Variants in SZT2 observed in about 807,000 individuals in gnomAD.
The protein encoded by SZT2 is KICSTOR complex protein SZT2.
In SZT2, 216 loss-of-function variants were observed where a neutral mutation model predicts 404.2. The observed-to-expected ratio is 0.53, with a 90% CI of 0.48 to 0.60. SZT2 has a LOEUF of 0.60. SZT2 is among the 20% of genes least tolerant of loss of function. The probability of loss-of-function intolerance (pLI) is 0.00; values close to 1 mark genes in which losing one functional copy is unlikely to be tolerated. For missense variants in SZT2, 3,857 were observed against 4,459.2 expected, an observed-to-expected ratio of 0.86 and a Z score of 3.85; for synonymous variants, 1,693 against 1,749.9, an observed-to-expected ratio of 0.97 and a Z score of 0.81.
rs748239560 is a variant in SZT2, at chr1:43,415,138, G to C, written c.555G>C (p.Gln185His). ...CCCAGCGGGAGGTGTTCCTGCAGCA[G>C]ATATATGAGCAGCTCTGCCTCTTTG... ...DPSQREVFLQ[Q>H]IYEQLCLFED... The change falls in exon 5 of 72, where the codon CAG (glutamine) becomes CAC (histidine). Residue 185 changes from glutamine to histidine, a missense_variant. Around this residue, in one of 7 missense-constraint regions of SZT2, gnomAD observed 536 missense variants for 637.4 expected, o/e 0.84. Transcript: ENST00000634258. 6.3e-7 allele frequency: 1 copy of C among 1,598,144 alleles called. No homozygotes were observed.
chr1:43,405,152 C>T (rs897616390), intron 4 of SZT2: 4 of 152,462 alleles, frequency 2.6e-5, no homozygotes, highest in African/African-American at 9.7e-5. Flanking sequence ...GATAGGCACT[C>T]ACCACCAGGC....
chr1:43,411,081 T>C (rs1439315010), intron 4 of SZT2, among the ~76,000 whole-genome samples: 1 of 152,196 alleles, frequency 6.6e-6, no homozygotes, highest in Non-Finnish European at 1.5e-5. Flanking sequence ...CAAAGGCACA[T>C]GTGGAAATCC....
chr1:43,448,070 C>G lies in SZT2; in HGVS notation c.9564-9C>G, dbSNP rs1237374283. 6.3e-7 allele frequency: 1 copy of G among 1,599,296 alleles called. No individual in the cohort carries two copies. The highest frequency in any genetic ancestry group is 8.5e-7 in the Non-Finnish European group (1 of 1,169,950). ...AACCACCACTCTCCTGCCCTGCTCC[C>G]CACCCCAGGCTACAGTTCTTCGTGG... On this transcript the variant is annotated splice_polypyrimidine_tract_variant and intron_variant, in intron 68 of 71. Transcript: ENST00000634258. This position sits in a 1 kb window ranked among gnomAD's most constrained non-coding sequence, Gnocchi z 4.2.
At chr1:43,392,886 C>G (rs1451060765) in intron 1 of SZT2, among the ~76,000 whole-genome samples, 1 of 152,198 alleles carries the variant, frequency 6.6e-6, no homozygotes, top group Non-Finnish European at 1.5e-5. Flanking sequence ...ATTCATTCAT[C>G]ACACACTTGA....
At chr1:43,433,878 C>A (rs1387758613) in intron 40 of SZT2, among the ~76,000 whole-genome samples, 1 of 152,252 alleles carries the variant, frequency 6.6e-6, no homozygotes, top group Non-Finnish European at 1.5e-5. Context: ...ATCTACATAA[C>A]CCTACGGCGT....
chr1:43,432,015 G>A, intron 36 of SZT2, 114 bp downstream of exon 36: 2 of 1,327,864 alleles, frequency 1.5e-6, no homozygotes, highest in South Asian at 1.3e-5. Flanking sequence ...TATCCCTCCT[G>A]TCTCCCTGCT....
chr1:43,452,296 A>G lies in SZT2; in HGVS notation c.*1816A>G, dbSNP rs1261775539. ...TGCTATTCGATCAGCTCCCTGGGGTACTCGGCCAGCCATCAGGTGGATCCT... is the reference window on the plus strand; with the variant it reads ...TGCTATTCGATCAGCTCCCTGGGGTGCTCGGCCAGCCATCAGGTGGATCCT... On this transcript the variant is annotated 3_prime_UTR_variant, in exon 72 of 72. Transcript: ENST00000634258. 1.9e-6 allele frequency: 3 copies of G among 1,613,968 alleles called. No individual in the cohort carries two copies. The South Asian group carries it at 3.3e-5, about 18-fold the overall frequency.
At position 43,453,817 on chromosome 1, in the gene SZT2, G is replaced by T; in HGVS notation, c.*3337G>T. The T allele has an allele frequency of 8.0e-7, 1 of 1,243,356 alleles. No homozygotes were observed. Among genetic ancestry groups the T allele is most frequent in the African/African-American group, 1.6e-5 (1 of 63,682 alleles). 77.0% of individuals were successfully genotyped at this position (1,243,356 alleles called of 1,614,324 possible). A position where few individuals can be genotyped will look rare whatever the true frequency, so the allele number is the denominator to read the frequency against. On this transcript the variant is annotated 3_prime_UTR_variant, in exon 72 of 72. Transcript: ENST00000634258. Reference sequence around the variant, plus strand: ...ATGCCTGGGGAGGCCGGGCCGGGCGGAGTCCGCGGGATCCAAAGGCGGCGG... The same window carrying T: ...ATGCCTGGGGAGGCCGGGCCGGGCGTAGTCCGCGGGATCCAAAGGCGGCGG...
In SZT2 at chr1:43,430,033, G is replaced by A. The variant is rs757113547; in HGVS notation, c.4331G>A (p.Arg1444His). 17 of 1,614,012 alleles carry A rather than the reference G, an allele frequency of 1.1e-5. No homozygotes were observed. The highest frequency in any genetic ancestry group is 5.5e-5 in the South Asian group (5 of 91,078). Residue 1444 changes from arginine (R) to histidine (H), a missense_variant, in exon 30 of 72, where the codon CGT (arginine) becomes CAT (histidine). Physicochemically the swap from Arg to His is conservative, Grantham distance 29 (BLOSUM62 0). Coordinates refer to ENST00000634258, the MANE Select transcript of SZT2 (RefSeq NM_001365999.1). The part of the protein sequence containing the change: ...VIQEKFLEIS[R>H]LHFRTVPSNP... ...CAGGAGAAGTTCCTAGAGATCAGTCGTCTCCACTTCCGCACAGTGCCTTCC... is the reference window on the plus strand; with the variant it reads ...CAGGAGAAGTTCCTAGAGATCAGTCATCTCCACTTCCGCACAGTGCCTTCC...
rs1427215254 is a variant in SZT2, at chr1:43,430,402, G to A, written c.4480+13G>A. ...ATGGGAGAAGAAGGTATGTGGGCAAGTGAGTCAAGGTGGGGAAGGCTGGCT... is the reference window on the plus strand; with the variant it reads ...ATGGGAGAAGAAGGTATGTGGGCAAATGAGTCAAGGTGGGGAAGGCTGGCT... On this transcript the variant is annotated intron_variant, in intron 31 of 71. Transcript: ENST00000634258. 1 of 1,605,600 alleles carries A rather than the reference G, an allele frequency of 6.2e-7. No homozygotes were observed. The highest frequency in any genetic ancestry group is 8.5e-7 in the Non-Finnish European group (1 of 1,175,332).
chr1:43,448,837 G>T lies in SZT2; in HGVS notation c.10086+109G>T, dbSNP rs1008393149. On this transcript the variant is annotated intron_variant, in intron 70 of 71. Coordinates refer to ENST00000634258, the MANE Select transcript of SZT2 (RefSeq NM_001365999.1). This position sits in a 1 kb window ranked among gnomAD's most constrained non-coding sequence, Gnocchi z 4.2. ...AAGCTCTGCTCTGGAGGGAGGCCTA[G>T]ACAGAACGGGACTACACAGATACAT... The T allele has an allele frequency of 1.0e-5, 10 of 955,338 alleles. No individual in the cohort carries two copies. In the East Asian group the frequency reaches 1.2e-4, roughly 11 times the overall value. 59.2% of individuals were successfully genotyped at this position (955,338 alleles called of 1,614,324 possible).
chr1:43,391,411 A>G (rs1201700102), intron 1 of SZT2, among the ~76,000 whole-genome samples: 7 of 152,314 alleles, frequency 4.6e-5, no homozygotes, highest in Non-Finnish European at 1.0e-4. Flanking sequence ...GTTCTTAACC[A>G]TATTGTTCAT....
At chr1:43,433,476 G>A (rs12080203) in intron 40 of SZT2, among the ~76,000 whole-genome samples, 3 of 152,176 alleles carry the variant, frequency 2.0e-5, no homozygotes, top group Admixed American at 6.5e-5. Flanking sequence ...TTAGAAGTTC[G>A]TGTATAAAAA....
Position 43,442,392 on chromosome 1 carries a change from G to A in SZT2, c.7974+24G>A. ...AGGTAAATATGGGGCCAGGGACTGG[G>A]TGGGAAGAGGGGTTCCGTGATCTCA... is the stretch of plus-strand genomic sequence containing the variant. On this transcript the variant is annotated intron_variant, in intron 57 of 71. Transcript: ENST00000634258. This position sits in a 1 kb window ranked among gnomAD's most constrained non-coding sequence, Gnocchi z 4.5. The A allele has an allele frequency of 6.2e-7, 1 of 1,613,222 alleles. No homozygotes were observed. Among genetic ancestry groups the A allele is most frequent in the Non-Finnish European group, 8.5e-7 (1 of 1,179,496 alleles).
chr1:43,445,700 C>T, intron 62 of SZT2, 194 bp from the exon 63 acceptor site: 1 of 632,740 alleles, frequency 1.6e-6, no homozygotes, highest in Non-Finnish European at 2.8e-6. Flanking sequence ...GAAGCAGCAG[C>T]TGCTATGGAG....
Position 43,453,790 on chromosome 1 carries a change from C to T in SZT2, c.*3310C>T. The T allele has an allele frequency of 7.8e-7, 1 of 1,280,472 alleles. No individual in the cohort carries two copies. The highest frequency in any genetic ancestry group is 3.1e-5 in the East Asian group (1 of 32,122). The allele number at this position is 1,280,472 out of a possible 1,614,324, so 79.3% of individuals were successfully genotyped here. On this transcript the variant is annotated 3_prime_UTR_variant, in exon 72 of 72. Coordinates refer to ENST00000634258, the MANE Select transcript of SZT2 (RefSeq NM_001365999.1). ...AGATTGGCGGAGAAGCGCAGCGGCG[C>T]CATGCCTGGGGAGGCCGGGCCGGGC...
At chr1:43,416,758 TG>T in intron 7 of SZT2, 117 bp downstream of exon 7, 1 of 773,570 alleles carries the variant, frequency 1.3e-6, no homozygotes, top group Non-Finnish European at 2.1e-6. Context: ...CTTAGTTACA[TG>T]GGGGGAAGGA....
chr1:43,453,643 C>T lies in SZT2; in HGVS notation c.*3163C>T, dbSNP rs997249942. The T allele has an allele frequency of 1.2e-5, 18 of 1,489,894 alleles. No individual in the cohort carries two copies. Among genetic ancestry groups the T allele is most frequent in the Admixed American group, 4.7e-5 (2 of 42,718 alleles). 92.3% of individuals were successfully genotyped at this position (1,489,894 alleles called of 1,614,324 possible). ...AGCCGCAGCCCCGCTTCTCGCGCGG[C>T]GCGCGCCAGCGCCTCAGGCGTCTCC... On this transcript the variant is annotated 3_prime_UTR_variant, in exon 72 of 72. Coordinates refer to ENST00000634258, the MANE Select transcript of SZT2 (RefSeq NM_001365999.1).
chr1:43,439,939 T>C lies in SZT2; in HGVS notation c.7101T>C (p.Ile2367=). The C allele has an allele frequency of 6.2e-7, 1 of 1,613,652 alleles. No homozygotes were observed. Among genetic ancestry groups the C allele is most frequent in the Non-Finnish European group, 8.5e-7 (1 of 1,179,800 alleles). The change falls in exon 51 of 72, where the codon ATT becomes ATC. Residue 2367 remains isoleucine, a synonymous_variant. Coordinates refer to ENST00000634258, the MANE Select transcript of SZT2 (RefSeq NM_001365999.1). This position sits in a 1 kb window ranked among gnomAD's most constrained non-coding sequence, Gnocchi z 4.2. ...LDVWEKGNIS[I]VQLEEKLRGA... The stretch of plus-strand genomic sequence containing the variant: ...TGTGGGAAAAGGGGAACATTAGTAT[T>C]GTGCAGCTGGAGGAGAAACTCCGAG...
Sources: allele counts gnomAD v4.1 joint callset (sites outside exome capture counted in the v4.1 genomes callset), GRCh38; gene constraint gnomAD v4.1.1; regional missense constraint gnomAD v4.1.1; non-coding constraint Gnocchi (gnomAD v3.1); transcripts MANE v1.5; gene names NCBI Gene and HGNC (gene_info 2026-07-23, HGNC 2026-07-21).